ACOT12: variants seen among roughly 807,000 people sequenced by gnomAD.
The protein encoded by ACOT12 is acyl-CoA thioesterase 12.
ACOT12 carries 51 observed loss-of-function variants against 67.7 expected under a neutral mutation model. The observed-to-expected ratio is 0.75, with a 90% CI of 0.60 to 0.95. The LOEUF is 0.95. Ranked by LOEUF, ACOT12 falls within the 40% of genes least tolerant of loss-of-function variation. ACOT12 has a pLI of 0.00. For missense variants in ACOT12, 734 were observed against 708.1 expected (o/e 1.04, Z -0.41); for synonymous variants, 251 against 244.6 (o/e 1.03, Z -0.24).
At chr5:81,387,565 C>G (rs1347001568) in intron 1 of ACOT12, among the ~76,000 whole-genome samples, 3 of 133,296 alleles carry the variant, frequency 2.3e-5, no homozygotes, top group South Asian at 2.4e-4. Flanking sequence ...GAGACGAGGT[C>G]TGTATCACCT....
intron 1 of ACOT12, among the ~76,000 whole-genome samples, chr5:81,387,022 T>G (rs1357779251): frequency 1.4e-5 from 2 of 147,354 alleles, no homozygotes; most frequent in Non-Finnish European, 3.0e-5. Context: ...TTTTTTTCTT[T>G]TTTCAGATAG....
At chr5:81,381,442 G>A (rs138616016) in intron 2 of ACOT12, among the ~76,000 whole-genome samples, 1 of 152,244 alleles carries the variant, frequency 6.6e-6, no homozygotes, top group East Asian at 1.9e-4. Context: ...ATATTGGTAT[G>A]GAGTGATTTT....
chr5:81,318,103 G>A, the ACOT12 span, among the ~76,000 whole-genome samples: 1 of 151,898 alleles, frequency 6.6e-6, no homozygotes, highest in Admixed American at 6.6e-5. Flanking sequence ...GGCTAGTCTC[G>A]ACCTCCTGAC....
chr5:81,343,919 T>C, intron 9 of ACOT12, 38 bp from the exon 10 acceptor site: 1 of 1,564,392 alleles, frequency 6.4e-7, no homozygotes, highest in Non-Finnish European at 8.8e-7. Context: ...GACAGTTTTT[T>C]TCTCTGCATT....
At chr5:81,371,067 G>A (rs781583223) in intron 3 of ACOT12, among the ~76,000 whole-genome samples, 2 of 152,180 alleles carry the variant, frequency 1.3e-5, no homozygotes, top group South Asian at 2.1e-4. Flanking sequence ...ACTAGTTTCT[G>A]TCAGAGGTTG....
chr5:81,386,396 A>G (rs2153859944), intron 1 of ACOT12, among the ~76,000 whole-genome samples: 1 of 152,376 alleles, frequency 6.6e-6, no homozygotes, highest in Non-Finnish European at 1.5e-5. Context: ...TGCCAAATTC[A>G]GTATACATTA....
intron 2 of ACOT12, among the ~76,000 whole-genome samples, chr5:81,383,758 TA>T (rs1432199423): frequency 1.3e-5 from 2 of 151,900 alleles, no homozygotes; most frequent in Admixed American, 1.3e-4. Context: ...TAACAAATTT[TA>T]AAAACAGAAA....
At chr5:81,351,308 A>AT (rs1759546441) in intron 5 of ACOT12, among the ~76,000 whole-genome samples, 1 of 152,202 alleles carries the variant, frequency 6.6e-6, no homozygotes, top group South Asian at 2.1e-4. Flanking sequence ...CAAATGGCAC[A>AT]TTTTTTGTTT....
chr5:81,342,944 G>T (rs1458817322), intron 10 of ACOT12, among the ~76,000 whole-genome samples, 189 bp from the exon 11 acceptor site: 1 of 152,170 alleles, frequency 6.6e-6, no homozygotes, highest in African/African-American at 2.4e-5. Flanking sequence ...CACTTTGGGA[G>T]GCCAAGGCAG....
At chr5:81,334,323 G>T (rs1580528618) in intron 12 of ACOT12, among the ~76,000 whole-genome samples, 1 of 152,318 alleles carries the variant, frequency 6.6e-6, no homozygotes, top group South Asian at 2.1e-4. Flanking sequence ...AACTGAAAGA[G>T]CGCATCGTAA....
rs1366129639 is a variant in ACOT12 at position 81,330,955 on chromosome 5, T to C, written c.1392-15A>G. On this transcript the variant is annotated splice_polypyrimidine_tract_variant and intron_variant, in intron 13 of 14. Coordinates refer to ENST00000307624, the MANE Select transcript of ACOT12 (RefSeq NM_130767.3). Reference sequence around the variant, plus strand: ...TGTAAGTGTTACTGAAAGAAAACACTTTCTAAGCTCTTGTGAGAAATAAAG... The same window carrying C: ...TGTAAGTGTTACTGAAAGAAAACACCTTCTAAGCTCTTGTGAGAAATAAAG... The C allele has an allele frequency of 8.9e-6, 14 of 1,576,380 alleles. No individual in the cohort carries two copies. Among genetic ancestry groups the C allele is most frequent in the Non-Finnish European group, 1.1e-5 (13 of 1,163,474 alleles).
Position 81,330,928 on chromosome 5 carries a change from T to A in ACOT12, c.1404A>T (p.Thr468=). ...RKPLKDGNTY[T]VAVKSVILPS... is the part of the protein sequence containing the mutation. The stretch of plus-strand genomic sequence containing the variant: ...GCAAAATGACCGACTTCACTGCCAC[T>A]GTGTAAGTGTTACTGAAAGAAAACA... The change falls in exon 14 of 15, where the codon ACA becomes ACT. Residue 468 remains threonine (T), a synonymous_variant. Transcript: ENST00000307624. 1 of 1,598,568 alleles carries A rather than the reference T, an allele frequency of 6.3e-7. No homozygotes were observed. The highest frequency in any genetic ancestry group is 8.5e-7 in the Non-Finnish European group (1 of 1,174,238).
rs779301614 is a variant in ACOT12 at position 81,342,688 on chromosome 5, G to T, written c.1112C>A (p.Thr371Asn). Residue 371 changes from threonine to asparagine, a missense_variant, in exon 11 of 15, where the codon ACC becomes AAC. Transcript: ENST00000307624. ...KLAAKRGWEV[T>N]STVEKIKIYT... ...GTGTCCTACCTTTTCCACAGTGCTG[G>T]TAACCTCCCAACCCCTTTTGGCTGC... The T allele has an allele frequency of 1.2e-6, 2 of 1,614,142 alleles. No individual in the cohort carries two copies. The highest frequency in any genetic ancestry group is 1.7e-6 in the Non-Finnish European group (2 of 1,179,998).
At chr5:81,343,068 G>A (rs1163330373) in intron 10 of ACOT12, among the ~76,000 whole-genome samples, 1 of 152,124 alleles carries the variant, frequency 6.6e-6, no homozygotes, top group Non-Finnish European at 1.5e-5. Flanking sequence ...TGTAATCCCA[G>A]CTACTTGGAG....
chr5:81,344,971 T>C lies in ACOT12; in HGVS notation c.844A>G (p.Asn282Asp). ...EWAEGRGRHI[N>D]SAFLIYNAAD... Reference sequence around the variant, plus strand: ...GCATTGTAAATGAGAAAAGCACTGTTGATGTGACGCCCTCGGCCCTCGGCC... The same window carrying C: ...GCATTGTAAATGAGAAAAGCACTGTCGATGTGACGCCCTCGGCCCTCGGCC... Residue 282 changes from asparagine (N) to aspartate (D), a missense_variant, in exon 8 of 15, where the codon AAC (asparagine) becomes GAC (aspartate). Physicochemically the swap from Asn to Asp is conservative, Grantham distance 23. Coordinates refer to ENST00000307624, the MANE Select transcript of ACOT12 (RefSeq NM_130767.3). 6.2e-7 allele frequency: 1 copy of C among 1,614,190 alleles called. No homozygotes were observed. Among genetic ancestry groups the C allele is most frequent in the Non-Finnish European group, 8.5e-7 (1 of 1,180,028 alleles).
chr5:81,379,135 T>G (rs570694655), intron 2 of ACOT12, among the ~76,000 whole-genome samples: 31 of 152,152 alleles, frequency 2.0e-4, no homozygotes, highest in African/African-American at 4.3e-4. Flanking sequence ...ATACACCATG[T>G]AATACTATGC....
chr5:81,385,132 G>C (rs1460631000), intron 2 of ACOT12, among the ~76,000 whole-genome samples: 1 of 152,010 alleles, frequency 6.6e-6, no homozygotes, highest in East Asian at 1.9e-4. Context: ...TATTCTTCTA[G>C]TACAGGAAGG....
At position 81,346,132 on chromosome 5, in the gene ACOT12, G is replaced by A. The variant is rs894106831; in HGVS notation, c.654-128C>T. 21 of 1,409,810 alleles carry A rather than the reference G, an allele frequency of 1.5e-5. No homozygotes were observed. The African/African-American group carries it at 1.9e-4, about 12-fold the overall frequency. 87.3% of individuals were successfully genotyped at this position (1,409,810 alleles called of 1,614,324 possible). ...TGAAATAAATAACTGGATTATGTGG[G>A]TTGAGGGTAGGTCTGCACGCTACCT... On this transcript the variant is annotated intron_variant, in intron 6 of 14. Transcript: ENST00000307624.
chr5:81,345,970 C>T lies in ACOT12; in HGVS notation c.688G>A (p.Val230Ile), dbSNP rs34607174. 0.026 allele frequency: 41,360 copies of T among 1,613,904 alleles called. 585 individuals are homozygous for T. Among genetic ancestry groups the T allele is most frequent in the Non-Finnish European group, 0.029 (33,936 of 1,179,902 alleles). The change falls in exon 7 of 15, where the codon GTA (valine) becomes ATA (isoleucine). Residue 230 changes from valine (V) to isoleucine (I), a missense_variant. Physicochemically the swap from Val to Ile is conservative, Grantham distance 29. Coordinates refer to ENST00000307624, the MANE Select transcript of ACOT12 (RefSeq NM_130767.3). ...GGTCCCCGGAACTTAAACATATCTA[C>T]GGACTTCAGAAAGGGATGAGCCCAA... ...LCWAHPFLKSVDMFKFRGPST... is the reference protein window; with the variant it reads ...LCWAHPFLKSIDMFKFRGPST...
Sources: gnomAD v4.1 joint callset for allele counts (sites outside exome capture counted in the v4.1 genomes callset) on GRCh38, gnomAD v4.1.1 for gene constraint, MANE v1.5 for transcripts, NCBI Gene and HGNC (gene_info 2026-07-23, HGNC 2026-07-21) for gene names.